Variants in EYS observed in about 807,000 individuals in gnomAD.
EYS encodes the protein protein eyes shut homolog.
Under a neutral mutation model 282.1 loss-of-function variants are expected in EYS, and 250 were observed. The observed-to-expected ratio is 0.89, with a 90% CI of 0.80 to 0.98. The LOEUF is 0.98. Among genes scored for constraint, EYS ranks in the 50% least tolerant of loss-of-function variants. EYS has a pLI of 0.00. For synonymous variants in EYS, 1,355 were observed against 1,282.9 expected, an observed-to-expected ratio of 1.06 and a Z score of -1.20; for missense variants, 4,016 against 3,709.0, an observed-to-expected ratio of 1.08 and a Z score of -2.15.
intron 10 of EYS, among the ~76,000 whole-genome samples, chr6:65,337,328 G>T (rs868394464): frequency 2.6e-4 from 40 of 151,378 alleles, no homozygotes; most frequent in Admixed American, 1.5e-3. Context: ...GTATGTCTAT[G>T]TGTTTGTAAT....
intron 22 of EYS, among the ~76,000 whole-genome samples, chr6:64,700,738 G>C (rs1001224033): frequency 1.3e-5 from 2 of 151,750 alleles, no homozygotes; most frequent in East Asian, 3.9e-4. Context: ...TCAAACAAAT[G>C]AAAAAAACAT....
intron 30 of EYS, among the ~76,000 whole-genome samples, chr6:64,305,591 G>T (rs1769410626): frequency 6.6e-6 from 1 of 152,146 alleles, no homozygotes; most frequent in African/African-American, 2.4e-5. Flanking sequence ...TTATGTATAT[G>T]ATTTTTGACA....
chr6:65,050,524 A>T (rs1437167291), intron 13 of EYS, among the ~76,000 whole-genome samples: 1 of 151,658 alleles, frequency 6.6e-6, no homozygotes, highest in Non-Finnish European at 1.5e-5. Flanking sequence ...AAGAAATTTA[A>T]CTGACTTTTG....
chr6:65,587,039 T>C lies in EYS; in HGVS notation c.-333+52739A>G, dbSNP rs116038870. Reference sequence around the variant, plus strand: ...AAAATCTGAGTGTTCAAATATAAAATATCTTGAAGTATATGCATTAAATGT... The same window carrying C: ...AAAATCTGAGTGTTCAAATATAAAACATCTTGAAGTATATGCATTAAATGT... On this transcript the variant is annotated intron_variant, in intron 2 of 42. Coordinates refer to ENST00000503581, the MANE Select transcript of EYS (RefSeq NM_001142800.2). 4.5e-3 allele frequency among the ~76,000 whole-genome samples: 685 copies of C among 152,102 alleles called. 3 individuals are homozygous for C. The highest frequency in any genetic ancestry group is 0.016 in the African/African-American group (656 of 41,538).
chr6:65,391,299 A>C (rs1192199337), intron 7 of EYS, among the ~76,000 whole-genome samples: 1 of 152,244 alleles, frequency 6.6e-6, no homozygotes, highest in East Asian at 1.9e-4. Context: ...AATGGCAACA[A>C]TGTCCTAGAT....
At chr6:65,332,186 G>A in intron 11 of EYS, 1 of 494,606 alleles carries the variant, frequency 2.0e-6, no homozygotes, top group Non-Finnish European at 3.6e-6. Flanking sequence ...TTTATTTGTT[G>A]AGTGTTTGTT....
chr6:64,113,997 T>G (rs1194660322), intron 31 of EYS, among the ~76,000 whole-genome samples: 1 of 152,174 alleles, frequency 6.6e-6, no homozygotes, highest in Non-Finnish European at 1.5e-5. Flanking sequence ...ACTGGTTGTG[T>G]CAGACTATAT....
At chr6:65,174,165 T>C (rs1765174030) in intron 12 of EYS, among the ~76,000 whole-genome samples, 1 of 151,246 alleles carries the variant, frequency 6.6e-6, no homozygotes, top group South Asian at 2.1e-4. Context: ...TACATCTGTT[T>C]ACACAGCTTA....
At chr6:65,392,464 CA>C (rs1766082310) in intron 7 of EYS, among the ~76,000 whole-genome samples, 2 of 152,088 alleles carry the variant, frequency 1.3e-5, no homozygotes, top group Admixed American at 6.6e-5. Flanking sequence ...TGAACTCAAA[CA>C]AATTTACAAG....
intron 19 of EYS, among the ~76,000 whole-genome samples, chr6:64,824,790 C>T (rs1765001995): frequency 1.3e-5 from 2 of 151,824 alleles, no homozygotes; most frequent in Non-Finnish European, 2.9e-5. Context: ...AAAAGGCAAA[C>T]ATGTCTCAGT....
chr6:64,823,216 A>C (rs1389774963), intron 19 of EYS, among the ~76,000 whole-genome samples: 1 of 151,860 alleles, frequency 6.6e-6, no homozygotes, highest in Non-Finnish European at 1.5e-5. Context: ...GAAGTTTTCT[A>C]AATTTGGCTT....
chr6:65,252,148 C>T (rs1309458231), intron 12 of EYS, among the ~76,000 whole-genome samples: 1 of 151,858 alleles, frequency 6.6e-6, no homozygotes, highest in African/African-American at 2.4e-5. Flanking sequence ...CCCCAACTTC[C>T]TGGCAAGAGG....
At chr6:65,079,015 C>T (rs1475225265) in intron 12 of EYS, among the ~76,000 whole-genome samples, 2 of 151,716 alleles carry the variant, frequency 1.3e-5, no homozygotes, top group Non-Finnish European at 2.9e-5. Flanking sequence ...ATGCCGGTAC[C>T]ATGTTTTCTG....
At position 65,238,891 on chromosome 6, in the gene EYS, C is replaced by A. The variant is rs148731389; in HGVS notation, c.2023+56972G>T. On this transcript the variant is annotated intron_variant, in intron 12 of 42. Transcript: ENST00000503581. The stretch of plus-strand genomic sequence containing the variant: ...TGAAGATGAACAAATGCTACAATGA[C>A]AAGTCAGTTACATGATTAATATAAA... Among the ~76,000 whole-genome samples, 797 of 151,924 alleles carry A rather than the reference C, an allele frequency of 5.2e-3. 6 individuals are homozygous for A. The highest frequency in any genetic ancestry group is 0.018 in the African/African-American group (763 of 41,482).
intron 26 of EYS, among the ~76,000 whole-genome samples, chr6:64,587,850 A>T (rs1766280519): frequency 6.6e-6 from 1 of 152,070 alleles, no homozygotes; most frequent in African/African-American, 2.4e-5. Flanking sequence ...TTAATTGAAA[A>T]AACTAAGACT....
At chr6:63,962,317 C>T (rs1488401761) in intron 35 of EYS, among the ~76,000 whole-genome samples, 1 of 152,170 alleles carries the variant, frequency 6.6e-6, no homozygotes, top group Non-Finnish European at 1.5e-5. Flanking sequence ...TCAGAGTGAA[C>T]AGGCAACCTG....
chr6:65,609,336 CAA>C (rs34304600), intron 2 of EYS, among the ~76,000 whole-genome samples: 2 of 143,052 alleles, frequency 1.4e-5, no homozygotes. Context: ...CCAAGATAGC[CAA>C]AAAAAAAAAA....
chr6:65,051,148 T>C (rs16896173), intron 13 of EYS, among the ~76,000 whole-genome samples: 1 of 151,562 alleles, frequency 6.6e-6, no homozygotes, highest in African/African-American at 2.4e-5. Flanking sequence ...CAATAATTTA[T>C]GACAAAGCCT....
chr6:64,011,878 G>A (rs907485165), intron 33 of EYS, among the ~76,000 whole-genome samples: 22 of 152,126 alleles, frequency 1.4e-4, no homozygotes, highest in Non-Finnish European at 3.1e-4. Context: ...TTTCACAGGT[G>A]CAAAACATAA....
Sources: gnomAD v4.1 joint callset for allele counts (sites outside exome capture counted in the v4.1 genomes callset) on GRCh38, gnomAD v4.1.1 for gene constraint, MANE v1.5 for transcripts, NCBI Gene and HGNC (gene_info 2026-07-23, HGNC 2026-07-21) for gene names.